The following OR3A2 variants were observed in gnomAD, a reference collection of about 807,000 sequenced individuals.
The protein encoded by OR3A2 is olfactory receptor family 3 subfamily A member 2, also known as olfactory receptor 3A2.
For synonymous variants in OR3A2, 126 were observed against 159.3 expected, an observed-to-expected ratio of 0.79 and a Z score of 1.57; for missense variants, 318 against 392.8, an observed-to-expected ratio of 0.81 and a Z score of 1.61.
intron 3 of OR3A2, among the ~76,000 whole-genome samples, chr17:3,309,515 G>A (rs1274049190): frequency 6.6e-6 from 1 of 152,118 alleles, no homozygotes; most frequent in African/African-American, 2.4e-5. Context: ...CCACCTGGGA[G>A]CCTAAGCCTG....
At chr17:3,293,897 G>A (rs1289067866) in intron 3 of OR3A2, among the ~76,000 whole-genome samples, 1 of 152,164 alleles carries the variant, frequency 6.6e-6, no homozygotes. Flanking sequence ...ATAAGTGGGA[G>A]CTGAACAATG....
upstream of OR3A2, among the ~76,000 whole-genome samples, chr17:3,285,537 T>A (rs2150618590): frequency 6.6e-6 from 1 of 152,302 alleles, no homozygotes; most frequent in Non-Finnish European, 1.5e-5. Context: ...ACTTGTAATC[T>A]TAGCACTCTG....
intron 3 of OR3A2, among the ~76,000 whole-genome samples, chr17:3,323,024 T>C (rs1376338333): frequency 6.6e-6 from 1 of 152,170 alleles, no homozygotes; most frequent in African/African-American, 2.4e-5. Context: ...TGTAGGTCAC[T>C]AAGGACTTGC....
At chr17:3,293,151 C>T (rs1213854843) in intron 3 of OR3A2, among the ~76,000 whole-genome samples, 1 of 109,642 alleles carries the variant, frequency 9.1e-6, no homozygotes, top group African/African-American at 3.0e-5. Context: ...GTATAATTCT[C>T]TTAAAAAAAA....
At chr17:3,287,001 C>T (rs2048818878), upstream of OR3A2, among the ~76,000 whole-genome samples, 1 of 152,152 alleles carries the variant, frequency 6.6e-6, no homozygotes, top group Admixed American at 6.5e-5. Flanking sequence ...TGCCTATGTC[C>T]TGAATGGTAT....
chr17:3,279,531 C>T (rs186621115), intron 1 of OR3A2, among the ~76,000 whole-genome samples: 112 of 152,330 alleles, frequency 7.4e-4, no homozygotes, highest in African/African-American at 2.3e-3. Flanking sequence ...TGGTGGCTCA[C>T]GCCTGTAATC....
chr17:3,364,054 A>G (rs1359089552), intron 2 of OR3A2, among the ~76,000 whole-genome samples: 4 of 152,226 alleles, frequency 2.6e-5, no homozygotes, highest in African/African-American at 7.2e-5. Flanking sequence ...AAACCATATC[A>G]CAAGCTTTTA....
At chr17:3,306,823 C>A (rs1335902054) in intron 3 of OR3A2, among the ~76,000 whole-genome samples, 1 of 105,270 alleles carries the variant, frequency 9.5e-6, no homozygotes. Context: ...AAACAAAAAC[C>A]ACTAATAACT....
chr17:3,369,805 CTTTTTTTTT>C (rs35233474), intron 2 of OR3A2, among the ~76,000 whole-genome samples: 1 of 134,698 alleles, frequency 7.4e-6, no homozygotes, highest in African/African-American at 2.8e-5. Context: ...TAGATTGGTA[CTTTTTTTTT>C]TTTTTTTGAG....
chr17:3,349,068 T>A (rs560652898), intron 2 of OR3A2, among the ~76,000 whole-genome samples: 3 of 152,252 alleles, frequency 2.0e-5, no homozygotes, highest in Non-Finnish European at 4.4e-5. Flanking sequence ...TACCAGCTGC[T>A]GCAAAATCAT....
At chr17:3,289,385 T>A (rs1005248119) in intron 3 of OR3A2, among the ~76,000 whole-genome samples, 2 of 152,216 alleles carry the variant, frequency 1.3e-5, no homozygotes, top group Non-Finnish European at 2.9e-5. Context: ...AACAGGGACC[T>A]GGGAATCAGG....
At chr17:3,323,009 C>A (rs894453999) in intron 3 of OR3A2, among the ~76,000 whole-genome samples, 3 of 152,094 alleles carry the variant, frequency 2.0e-5, no homozygotes, top group Non-Finnish European at 4.4e-5. Context: ...GAGTCTAAGT[C>A]TCTTTGTAGG....
chr17:3,336,696 G>C (rs1012715355), intron 2 of OR3A2, among the ~76,000 whole-genome samples: 10 of 152,122 alleles, frequency 6.6e-5, no homozygotes, highest in African/African-American at 2.4e-4. Flanking sequence ...TGGGTTGCCA[G>C]ACACCATACT....
intron 3 of OR3A2, chr17:3,310,295 C>T (rs1227300824): frequency 5.7e-6 from 3 of 527,336 alleles, no homozygotes; most frequent in South Asian, 2.9e-5. Flanking sequence ...CAGTCCACTG[C>T]TAGTGGAAGA....
intron 1 of OR3A2, among the ~76,000 whole-genome samples, chr17:3,384,468 C>T (rs570507144): frequency 1.3e-5 from 2 of 152,300 alleles, no homozygotes; most frequent in East Asian, 3.9e-4. Flanking sequence ...AATGCCCTCC[C>T]TGTCCCACAC....
chr17:3,311,243 C>A lies in OR3A2; in HGVS notation c.-85+24790G>T, dbSNP rs527841606. 1.9e-6 allele frequency: 1 copy of A among 535,696 alleles called. No homozygotes were observed. Among genetic ancestry groups the A allele is most frequent in the Non-Finnish European group, 3.8e-6 (1 of 260,810 alleles). The allele number at this position is 535,696 out of a possible 1,614,324, so 33.2% of individuals were successfully genotyped here. ...TCAGTCACTGTTCCTCCGATGCTGG[C>A]GTGTCTCCAGGCCCACCAGTGCAGA... On this transcript the variant is annotated intron_variant, in intron 3 of 4. Coordinates refer to the OR3A2 transcript ENST00000573491. The surrounding 1 kb of genome is among the most constrained non-coding windows in gnomAD (Gnocchi z 4.6).
chr17:3,292,542 T>G (rs1256185069), intron 3 of OR3A2: 1 of 1,613,650 alleles, frequency 6.2e-7, no homozygotes, highest in Non-Finnish European at 8.5e-7. Flanking sequence ...CAGGATGAAC[T>G]CAGCAATGAC....
intron 3 of OR3A2, among the ~76,000 whole-genome samples, chr17:3,318,509 T>C (rs139722008): frequency 7.2e-5 from 11 of 152,332 alleles, no homozygotes; most frequent in African/African-American, 2.6e-4. Context: ...TGTCTGCTTA[T>C]CGAGACCGCA....
intron 3 of OR3A2, among the ~76,000 whole-genome samples, chr17:3,296,509 G>A (rs2048919231): frequency 6.6e-6 from 1 of 152,070 alleles, no homozygotes; most frequent in African/African-American, 2.4e-5. Flanking sequence ...TCTTTTATGG[G>A]TAGGAAAAGG....
Sources: gnomAD v4.1 joint callset for allele counts (sites outside exome capture counted in the v4.1 genomes callset) on GRCh38, gnomAD v4.1.1 for gene constraint, Gnocchi (gnomAD v3.1) non-coding constraint, MANE v1.5 for transcripts, NCBI Gene and HGNC (gene_info 2026-07-23, HGNC 2026-07-21) for gene names.